EHBP1: variants seen among roughly 807,000 people sequenced by gnomAD.
EHBP1 encodes the protein EH domain binding protein 1.
EHBP1 carries 55 observed loss-of-function variants against 144.0 expected under a neutral mutation model. The ratio of observed to expected loss-of-function variants is 0.38; its 90% CI spans 0.31 to 0.48. The LOEUF (loss-of-function observed/expected upper bound fraction) is 0.48. Among genes scored for constraint, EHBP1 ranks in the 20% least tolerant of loss-of-function variants. EHBP1 has a pLI of 0.98. For synonymous variants in EHBP1, 469 were observed against 472.7 expected, an observed-to-expected ratio of 0.99 and a Z score of 0.10; for missense variants, 1,200 against 1,364.2, an observed-to-expected ratio of 0.88 and a Z score of 1.90.
Position 62,831,111 on chromosome 2 carries a change from A to G in EHBP1, c.587A>G (p.Asp196Gly). Residue 196 changes from aspartate to glycine, a missense_variant, in exon 7 of 23, where the codon GAT (aspartate) becomes GGT (glycine). This residue lies in a region of EHBP1 where 266 missense variants were observed against 262.4 expected (regional missense o/e 1.01). Transcript: ENST00000431489. The part of the protein sequence containing the change: ...LDDFEEDNED[D>G]DENRVNQEEK... ...GACTTCGAAGAAGATAATGAAGATGATGATGAGAACAGAGTGAACCAAGAA... is the reference window on the plus strand; with the variant it reads ...GACTTCGAAGAAGATAATGAAGATGGTGATGAGAACAGAGTGAACCAAGAA... The G allele has an allele frequency of 6.2e-7, 1 of 1,610,306 alleles. No homozygotes were observed. Among genetic ancestry groups the G allele is most frequent in the Non-Finnish European group, 8.5e-7 (1 of 1,178,952 alleles).
intron 21 of EHBP1, among the ~76,000 whole-genome samples, chr2:63,043,272 A>G (rs991019930): frequency 6.6e-6 from 1 of 152,204 alleles, no homozygotes; most frequent in Non-Finnish European, 1.5e-5. Context: ...TGTGATATAT[A>G]TGGCTGCTCT....
Position 62,892,550 on chromosome 2 carries a change from C to T in EHBP1, c.1185+18018C>T, listed in dbSNP as rs185440236. On this transcript the variant is annotated intron_variant, in intron 10 of 22. Transcript: ENST00000431489. ...GTAATGTGCACTTATGATTTTCATACAGATGTGAAAAAATTTGATCATGTG... is the reference window on the plus strand; with the variant it reads ...GTAATGTGCACTTATGATTTTCATATAGATGTGAAAAAATTTGATCATGTG... 1.4e-3 allele frequency among the ~76,000 whole-genome samples: 208 copies of T among 152,114 alleles called. 1 individual carries two copies. The highest frequency in any genetic ancestry group is 4.7e-3 in the African/African-American group (197 of 41,520).
intron 1 of EHBP1, among the ~76,000 whole-genome samples, chr2:62,699,458 A>G (rs1218946136): frequency 6.6e-6 from 1 of 152,186 alleles, no homozygotes; most frequent in Non-Finnish European, 1.5e-5. Context: ...GTAATGGCCC[A>G]CTTATTTGCA....
At chr2:62,744,814 G>A (rs976044894) in intron 2 of EHBP1, among the ~76,000 whole-genome samples, 1 of 152,048 alleles carries the variant, frequency 6.6e-6, no homozygotes, top group African/African-American at 2.4e-5. Flanking sequence ...GGCACTAGGA[G>A]GATGTTGTGT....
At chr2:62,996,610 T>A in intron 18 of EHBP1, 33 bp from the exon 19 acceptor site, 1 of 1,612,256 alleles carries the variant, frequency 6.2e-7, no homozygotes, top group Non-Finnish European at 8.5e-7. Context: ...TACAAGTGAT[T>A]TTTTTTTCCT....
rs115929654 is a variant in EHBP1, at chr2:62,748,832, G to T, written c.162+1380G>T. On this transcript the variant is annotated intron_variant, in intron 3 of 22. Transcript: ENST00000431489. ...CTGTATTTAAAATTTTTTATTTAGG[G>T]CCTCTTTTCAAGTCTTTTATTTTTA... Among the ~76,000 whole-genome samples the T allele has an allele frequency of 3.2e-3, 491 of 151,902 alleles. 4 individuals carry two copies. The highest frequency in any genetic ancestry group is 0.011 in the African/African-American group (465 of 41,428).
intron 19 of EHBP1, among the ~76,000 whole-genome samples, chr2:63,013,639 G>A (rs1005184581): frequency 3.3e-5 from 5 of 152,172 alleles, no homozygotes; most frequent in African/African-American, 1.2e-4. Flanking sequence ...TAATGAGCTT[G>A]CTCTGATCTT....
intron 8 of EHBP1, among the ~76,000 whole-genome samples, chr2:62,860,411 A>C (rs1281151602): frequency 1.3e-5 from 2 of 152,130 alleles, no homozygotes; most frequent in African/African-American, 4.8e-5. Context: ...GAATTGCTTG[A>C]ACCTGGGAGG....
chr2:62,992,407 A>G (rs2059450642), intron 16 of EHBP1, among the ~76,000 whole-genome samples: 1 of 152,190 alleles, frequency 6.6e-6, no homozygotes, highest in Non-Finnish European at 1.5e-5. Flanking sequence ...TTATCTGTAT[A>G]GATAAAATTG....
At chr2:62,835,234 T>G (rs1260859841) in intron 7 of EHBP1, among the ~76,000 whole-genome samples, 1 of 152,198 alleles carries the variant, frequency 6.6e-6, no homozygotes, top group Non-Finnish European at 1.5e-5. Context: ...GCCCTTCAAC[T>G]GATATACTTA....
At chr2:62,999,165 G>C (rs1032534140) in intron 19 of EHBP1, among the ~76,000 whole-genome samples, 1 of 152,124 alleles carries the variant, frequency 6.6e-6, no homozygotes, top group African/African-American at 2.4e-5. Flanking sequence ...GATCTCATTA[G>C]GAATGGTGGA....
intron 21 of EHBP1, chr2:63,044,808 C>A: frequency 3.2e-6 from 1 of 316,276 alleles, no homozygotes. Flanking sequence ...TCAGGCTAGC[C>A]ACCAGTTCAC....
intron 14 of EHBP1, among the ~76,000 whole-genome samples, chr2:62,977,151 T>G (rs1048594680): frequency 1.3e-4 from 19 of 151,292 alleles, no homozygotes; most frequent in African/African-American, 4.4e-4. Flanking sequence ...AATACACCTC[T>G]AATTGATGAT....
intron 2 of EHBP1, among the ~76,000 whole-genome samples, chr2:62,721,968 A>G (rs116208500): frequency 0.011 from 1,666 of 152,106 alleles, 8 homozygotes; most frequent in Non-Finnish European, 0.017. Flanking sequence ...TCACATATAC[A>G]TTTCCCCTCA....
intron 2 of EHBP1, among the ~76,000 whole-genome samples, chr2:62,716,354 A>G (rs1379063790): frequency 3.3e-5 from 5 of 152,194 alleles, no homozygotes; most frequent in Non-Finnish European, 5.9e-5. Flanking sequence ...TGAAGCAGGC[A>G]AAGTCTATTT....
chr2:62,928,163 G>A (rs988149833), intron 10 of EHBP1, among the ~76,000 whole-genome samples: 7 of 152,208 alleles, frequency 4.6e-5, no homozygotes, highest in East Asian at 1.9e-4. Context: ...TGTGGTTAGA[G>A]GTTGCTGGGG....
chr2:62,869,317 A>C (rs960124385), intron 9 of EHBP1, among the ~76,000 whole-genome samples: 3 of 152,258 alleles, frequency 2.0e-5, no homozygotes, highest in African/African-American at 7.2e-5. Flanking sequence ...AAGTGAAAGC[A>C]TATGTCCACA....
chr2:62,941,504 TA>T (rs1366926087), intron 10 of EHBP1, among the ~76,000 whole-genome samples: 1 of 152,118 alleles, frequency 6.6e-6, no homozygotes. Flanking sequence ...CGACTGTTAA[TA>T]AAAAATGAGA....
rs1002275883 is a variant in EHBP1, at chr2:62,855,855, G to A, written c.635-3314G>A. Among the ~76,000 whole-genome samples, 11 of 152,254 alleles carry A rather than the reference G, an allele frequency of 7.2e-5. No homozygotes were observed. The South Asian group carries it at 2.3e-3, about 32-fold the overall frequency. Reference sequence around the variant, plus strand: ...CGTTCCAGGGCCTCCTGTCTGCTGAGAGCTAGAAAGACAATGGGTCGACCT... The same window carrying A: ...CGTTCCAGGGCCTCCTGTCTGCTGAAAGCTAGAAAGACAATGGGTCGACCT... On this transcript the variant is annotated intron_variant, in intron 7 of 22. Coordinates refer to ENST00000431489, the MANE Select transcript of EHBP1 (RefSeq NM_001142616.3).
Sources: gnomAD v4.1 joint callset for allele counts (sites outside exome capture counted in the v4.1 genomes callset) on GRCh38, gnomAD v4.1.1 for gene constraint, gnomAD v4.1.1 regional missense constraint, MANE v1.5 for transcripts, NCBI Gene and HGNC (gene_info 2026-07-23, HGNC 2026-07-21) for gene names.